The following PDE4D variants were observed in gnomAD, a reference collection of about 807,000 sequenced individuals.
PDE4D encodes 3',5'-cyclic-AMP phosphodiesterase 4D.
PDE4D carries 24 observed loss-of-function variants against 87.4 expected under a neutral mutation model. The ratio of observed to expected loss-of-function variants is 0.27; its 90% CI spans 0.20 to 0.39. PDE4D has a LOEUF of 0.39. Ranked by LOEUF, PDE4D falls within the 10% of genes least tolerant of loss-of-function variation. The pLI is 1.00. For synonymous variants in PDE4D, 384 were observed against 383.2 expected (o/e 1.00, Z -0.02); for missense variants, 714 against 1,041.0 (o/e 0.69, Z 4.32).
rs193195277 is a variant in PDE4D, at chr5:59,359,762, G to T, written c.456-143794C>A. Among the ~76,000 whole-genome samples the T allele has an allele frequency of 3.1e-4, 47 of 152,236 alleles. 1 individual carries two copies. Among genetic ancestry groups the T allele is most frequent in the African/African-American group, 9.4e-4 (39 of 41,542 alleles). ...TTCTAATTACTGTCATTTATTAAGCGTTTATTTTTCCAGATGAATTTTAGT... is the reference window on the plus strand; with the variant it reads ...TTCTAATTACTGTCATTTATTAAGCTTTTATTTTTCCAGATGAATTTTAGT... On this transcript the variant is annotated intron_variant, in intron 1 of 14. Coordinates refer to ENST00000340635, the MANE Select transcript of PDE4D (RefSeq NM_001104631.2).
chr5:60,512,827 A>G (rs1750634629), intron 1 of PDE4D, among the ~76,000 whole-genome samples: 1 of 152,186 alleles, frequency 6.6e-6, no homozygotes, highest in Non-Finnish European at 1.5e-5. Context: ...AGATACAGAA[A>G]AAACGAGGAG....
At chr5:59,370,234 T>C (rs1783738735) in intron 1 of PDE4D, among the ~76,000 whole-genome samples, 1 of 152,198 alleles carries the variant, frequency 6.6e-6, no homozygotes, top group African/African-American at 2.4e-5. Context: ...TGAAAATGTA[T>C]GCCATTTCTC....
chr5:60,019,826 G>C (rs1765865216), intron 2 of PDE4D, among the ~76,000 whole-genome samples: 1 of 152,060 alleles, frequency 6.6e-6, no homozygotes, highest in Non-Finnish European at 1.5e-5. Flanking sequence ...GTGTTCACTG[G>C]AGTGGTATTT....
intron 1 of PDE4D, among the ~76,000 whole-genome samples, chr5:59,600,051 T>C (rs553260655): frequency 6.6e-6 from 1 of 152,138 alleles, no homozygotes; most frequent in Non-Finnish European, 1.5e-5. Flanking sequence ...AGCCTTGTTT[T>C]CCAATTGCTG....
intron 1 of PDE4D, among the ~76,000 whole-genome samples, chr5:59,265,972 C>G (rs140622185): frequency 7.9e-5 from 12 of 152,164 alleles, no homozygotes; most frequent in Non-Finnish European, 1.6e-4. Context: ...ACTTACTTAG[C>G]TATATGACAT....
intron 1 of PDE4D, among the ~76,000 whole-genome samples, chr5:59,413,195 C>T (rs1393174771): frequency 9.2e-5 from 14 of 152,010 alleles, no homozygotes; most frequent in Middle Eastern, 3.4e-3. Flanking sequence ...CGGTGGCTCA[C>T]GCCTGTAATC....
Position 60,197,599 on chromosome 5 carries a change from C to T in PDE4D, c.-89-11912G>A, listed in dbSNP as rs576360911. ...TAGGTACATAAAAGTTGTTCTAATG[C>T]GGCTTCAGTAGAACAACTTTTATCC... On this transcript the variant is annotated intron_variant, in intron 1 of 16. Coordinates refer to the PDE4D transcript ENST00000502484. 2.3e-4 allele frequency among the ~76,000 whole-genome samples: 35 copies of T among 151,566 alleles called. 1 individual carries two copies. The highest frequency in any genetic ancestry group is 3.4e-3 in the Middle Eastern group (1 of 294).
At chr5:59,690,475 T>A (rs1361063581) in intron 1 of PDE4D, among the ~76,000 whole-genome samples, 1 of 152,178 alleles carries the variant, frequency 6.6e-6, no homozygotes, top group Non-Finnish European at 1.5e-5. Context: ...GGGAAAGGAT[T>A]CCCTATTTAA....
chr5:59,925,815 T>C (rs1013778813), intron 3 of PDE4D, among the ~76,000 whole-genome samples: 1 of 152,132 alleles, frequency 6.6e-6, no homozygotes, highest in African/African-American at 2.4e-5. Flanking sequence ...CAAGAAGATA[T>C]AAGAATTGTA....
At position 59,671,183 on chromosome 5, in the gene PDE4D, G is replaced by T. The variant is rs139540927; in HGVS notation, c.455+221985C>A. Among the ~76,000 whole-genome samples the T allele has an allele frequency of 2.9e-4, 44 of 152,132 alleles. 1 individual carries two copies. The highest frequency in any genetic ancestry group is 6.5e-5 in the Admixed American group (1 of 15,282). On this transcript the variant is annotated intron_variant, in intron 1 of 14. Coordinates refer to ENST00000340635, the MANE Select transcript of PDE4D (RefSeq NM_001104631.2). The stretch of plus-strand genomic sequence containing the variant: ...ATACAAGAGGCAAAGTATAAATGGA[G>T]ATCAGGTTTCCATCTGGTTACAACT...
At chr5:60,096,615 T>C (rs568149506) in intron 2 of PDE4D, among the ~76,000 whole-genome samples, 2 of 152,268 alleles carry the variant, frequency 1.3e-5, no homozygotes, top group South Asian at 4.1e-4. Context: ...TCATGTCATA[T>C]GTTCATTTGG....
At chr5:60,267,519 C>T (rs887486320) in intron 1 of PDE4D, among the ~76,000 whole-genome samples, 4 of 152,120 alleles carry the variant, frequency 2.6e-5, no homozygotes, top group African/African-American at 9.7e-5. Context: ...CAGCAAAATA[C>T]GCTTTGGGCT....
rs2702370 is a variant in PDE4D at position 59,451,042 on chromosome 5, C to T, written c.456-235074G>A. ...TTTGTTTATATTCACTATCTTGATT[C>T]TCCCTTTGTACTTACACCTCAACCC... On this transcript the variant is annotated intron_variant, in intron 1 of 14. Transcript: ENST00000340635. Among the ~76,000 whole-genome samples, 547 of 152,292 alleles carry T rather than the reference C, an allele frequency of 3.6e-3. 2 individuals carry two copies. The highest frequency in any genetic ancestry group is 5.9e-3 in the Non-Finnish European group (401 of 68,022).
chr5:59,334,983 T>C (rs1777419407), intron 1 of PDE4D, among the ~76,000 whole-genome samples: 1 of 152,130 alleles, frequency 6.6e-6, no homozygotes, highest in Admixed American at 6.5e-5. Context: ...CACTCCTCAT[T>C]TTTCAGCTTA....
chr5:60,235,485 T>C (rs1010405132), intron 1 of PDE4D, among the ~76,000 whole-genome samples: 2 of 151,872 alleles, frequency 1.3e-5, no homozygotes, highest in African/African-American at 4.8e-5. Flanking sequence ...CCTGGAAATA[T>C]AAACAGTGTC....
chr5:59,741,530 A>G (rs1758836748), intron 1 of PDE4D, among the ~76,000 whole-genome samples: 1 of 152,204 alleles, frequency 6.6e-6, no homozygotes, highest in Non-Finnish European at 1.5e-5. Flanking sequence ...AAAAAGAAGA[A>G]TTAACTCTGG....
intron 2 of PDE4D, among the ~76,000 whole-genome samples, chr5:60,000,269 A>C (rs1432210312): frequency 6.6e-6 from 1 of 152,212 alleles, no homozygotes; most frequent in African/African-American, 2.4e-5. Context: ...AAAAACCAAC[A>C]TACCAACATA....
chr5:59,236,032 A>G (rs1402476880), intron 1 of PDE4D, among the ~76,000 whole-genome samples: 1 of 152,164 alleles, frequency 6.6e-6, no homozygotes, highest in Admixed American at 6.5e-5. Flanking sequence ...TAAATTTTAG[A>G]TCCAGGGGTC....
At chr5:60,468,257 G>A (rs996170046) in intron 1 of PDE4D, among the ~76,000 whole-genome samples, 8 of 150,682 alleles carry the variant, frequency 5.3e-5, no homozygotes, top group Admixed American at 2.7e-4. Flanking sequence ...TCCCACCTCA[G>A]CCTCCTGAGT....
Sources: gnomAD v4.1 joint callset for allele counts (sites outside exome capture counted in the v4.1 genomes callset) on GRCh38, gnomAD v4.1.1 for gene constraint, MANE v1.5 for transcripts, NCBI Gene and HGNC (gene_info 2026-07-23, HGNC 2026-07-21) for gene names.